The following SLC6A3 variants were observed in gnomAD, a reference collection of about 807,000 sequenced individuals.
SLC6A3 encodes the protein sodium-dependent dopamine transporter.
Under a neutral mutation model 70.4 loss-of-function variants are expected in SLC6A3, and 19 were observed. The observed-to-expected ratio is 0.27, with a 90% CI of 0.19 to 0.40. The LOEUF (loss-of-function observed/expected upper bound fraction) is 0.40. SLC6A3 is among the 10% of genes least tolerant of loss of function. The probability of loss-of-function intolerance (pLI) is 1.00; values close to 1 mark genes in which losing one functional copy is unlikely to be tolerated. For synonymous variants in SLC6A3, 368 were observed against 356.6 expected (o/e 1.03, Z -0.36); for missense variants, 613 against 838.5 (o/e 0.73, Z 3.32).
Position 1,393,580 on chromosome 5 carries a change from C to T in SLC6A3, c.*1155G>A, listed in dbSNP as rs946503182. The T allele has an allele frequency of 6.5e-6, 1 of 154,208 alleles. No individual in the cohort carries two copies. Among genetic ancestry groups the T allele is most frequent in the African/African-American group, 2.4e-5 (1 of 41,434 alleles). 9.6% of individuals were successfully genotyped at this position (154,208 alleles called of 1,614,324 possible). ...CAGAGTGTGGTCTGCAGGCTGCCTG[C>T]ATGGGGGCCCTGCATGCGTCCTGGG... On this transcript the variant is annotated 3_prime_UTR_variant, in exon 15 of 15. Transcript: ENST00000270349.
In SLC6A3 at chr5:1,441,312, C is replaced by G. The variant is rs757828228; in HGVS notation, c.418+47G>C. The G allele has an allele frequency of 5.0e-6, 8 of 1,613,230 alleles. No homozygotes were observed. The South Asian group carries it at 7.7e-5, about 16-fold the overall frequency. On this transcript the variant is annotated intron_variant, in intron 3 of 14. Coordinates refer to ENST00000270349, the MANE Select transcript of SLC6A3 (RefSeq NM_001044.5). ...TGCTTTGAAAGCTCCAGCGTCACCA[C>G]CATGATCCGCGCTGCGCCAGGGTGA...
At chr5:1,416,940 C>T (rs1756311703) in intron 6 of SLC6A3, among the ~76,000 whole-genome samples, 1 of 152,144 alleles carries the variant, frequency 6.6e-6, no homozygotes, top group East Asian at 1.9e-4. Context: ...CCCTGATAAC[C>T]CTCAGAAAGT....
intron 4 of SLC6A3, among the ~76,000 whole-genome samples, chr5:1,430,101 G>C (rs1409297489): frequency 6.6e-6 from 1 of 152,072 alleles, no homozygotes; most frequent in East Asian, 1.9e-4. Flanking sequence ...AAACAACCAG[G>C]ACTCATCCCG....
chr5:1,408,383 T>G lies in SLC6A3; in HGVS notation c.1498+643A>C, dbSNP rs529273537. ...GATGCCCTGGCTCGGCCTCGCCACT[T>G]CCCTGGAAGTGAGCTGGCCAGGTAA... On this transcript the variant is annotated intron_variant, in intron 11 of 14. Coordinates refer to ENST00000270349, the MANE Select transcript of SLC6A3 (RefSeq NM_001044.5). This position sits in a 1 kb window ranked among gnomAD's most constrained non-coding sequence, Gnocchi z 6.4. 6.6e-6 allele frequency among the ~76,000 whole-genome samples: 1 copy of G among 152,124 alleles called. No individual in the cohort carries two copies. Among genetic ancestry groups the G allele is most frequent in the East Asian group, 1.9e-4 (1 of 5,154 alleles).
In SLC6A3 at chr5:1,408,544, G is replaced by A. The variant is rs1001295968; in HGVS notation, c.1498+482C>T. On this transcript the variant is annotated intron_variant, in intron 11 of 14. Coordinates refer to ENST00000270349, the MANE Select transcript of SLC6A3 (RefSeq NM_001044.5). This position sits in a 1 kb window ranked among gnomAD's most constrained non-coding sequence, Gnocchi z 6.4. The stretch of plus-strand genomic sequence containing the variant: ...TTCTGTTGCTGTTTAAACCACTGGT[G>A]GAAGTCCCAGGACACAGCTGGGGCA... 4.6e-5 allele frequency among the ~76,000 whole-genome samples: 7 copies of A among 152,190 alleles called. No individual in the cohort carries two copies. The highest frequency in any genetic ancestry group is 1.0e-4 in the Non-Finnish European group (7 of 68,030).
intron 3 of SLC6A3, among the ~76,000 whole-genome samples, chr5:1,435,610 G>A (rs1756810687): frequency 6.6e-6 from 1 of 152,274 alleles, no homozygotes; most frequent in East Asian, 1.9e-4. Context: ...AAATGGGCCT[G>A]CTCTGATCCA....
rs780852886 is a variant in SLC6A3, at chr5:1,441,392, C to A, written c.385G>T (p.Ala129Ser). Reference sequence around the variant, plus strand: ...ATGGGGCAGATCTTCCAGACACCAGCGGCCCCTTCCCTGTTGAACTGGCCG... The same window carrying A: ...ATGGGGCAGATCTTCCAGACACCAGAGGCCCCTTCCCTGTTGAACTGGCCG... ...ALGQFNREGA[A>S]GVWKICPILK... The change falls in exon 3 of 15, where the codon GCT (alanine) becomes TCT (serine). Residue 129 changes from alanine (A) to serine (S), a missense_variant. Transcript: ENST00000270349. 1.2e-5 allele frequency: 20 copies of A among 1,614,232 alleles called. No individual in the cohort carries two copies. Among genetic ancestry groups the A allele is most frequent in the Non-Finnish European group, 1.6e-5 (19 of 1,180,040 alleles).
At chr5:1,419,865 T>G (rs1417837023) in intron 6 of SLC6A3, among the ~76,000 whole-genome samples, 1 of 144,182 alleles carries the variant, frequency 6.9e-6, no homozygotes, top group Admixed American at 7.1e-5. Context: ...ACCTGTCAGC[T>G]GCTGCCTCCC....
At chr5:1,443,354 C>T (rs1579729806) in intron 1 of SLC6A3, 112 bp from the exon 2 acceptor site, 1 of 850,684 alleles carries the variant, frequency 1.2e-6, no homozygotes, top group Non-Finnish European at 1.9e-6. Context: ...ACGGGCATTC[C>T]TCTGGGAAGG....
chr5:1,398,211 A>G (rs1350758280), intron 14 of SLC6A3, among the ~76,000 whole-genome samples: 1 of 152,054 alleles, frequency 6.6e-6, no homozygotes, highest in African/African-American at 2.4e-5. Flanking sequence ...AAACACAAAA[A>G]TTATCCAGGT....
chr5:1,395,240 C>T (rs1207151391), intron 14 of SLC6A3, among the ~76,000 whole-genome samples: 2 of 152,216 alleles, frequency 1.3e-5, no homozygotes, highest in Non-Finnish European at 2.9e-5. Context: ...GCGACCCGCG[C>T]GGGCGCAAGT....
Position 1,413,821 on chromosome 5 carries a change from C to T in SLC6A3, c.1156+870G>A, listed in dbSNP as rs1291609989. ...CAAGTTAGGGCTGCCAACGCCACAG[C>T]TTTCCACTGCAAGCACCGGAGCCAG... On this transcript the variant is annotated intron_variant, in intron 8 of 14. Transcript: ENST00000270349. The surrounding 1 kb of genome is among the most constrained non-coding windows in gnomAD (Gnocchi z 7.1). Among the ~76,000 whole-genome samples the T allele has an allele frequency of 6.6e-6, 1 of 152,184 alleles. No homozygotes were observed. The highest frequency in any genetic ancestry group is 1.5e-5 in the Non-Finnish European group (1 of 68,028).
chr5:1,397,054 A>T lies in SLC6A3; in HGVS notation c.1840-2296T>A. On this transcript the variant is annotated intron_variant, in intron 14 of 14. Coordinates refer to ENST00000270349, the MANE Select transcript of SLC6A3 (RefSeq NM_001044.5). The surrounding 1 kb of genome is among the most constrained non-coding windows in gnomAD (Gnocchi z 4.7). Reference sequence around the variant, plus strand: ...TGGCCACATGTGGATTAATGATAAGATGCGTTACTCAACTGTGCACCTAAG... The same window carrying T: ...TGGCCACATGTGGATTAATGATAAGTTGCGTTACTCAACTGTGCACCTAAG... Among the ~76,000 whole-genome samples the T allele has an allele frequency of 6.6e-6, 1 of 152,192 alleles. No homozygotes were observed. Among genetic ancestry groups the T allele is most frequent in the East Asian group, 1.9e-4 (1 of 5,196 alleles).
At position 1,402,541 on chromosome 5, in the gene SLC6A3, C is replaced by G. The variant is rs1241955035; in HGVS notation, c.1767+381G>C. On this transcript the variant is annotated intron_variant, in intron 13 of 14. Transcript: ENST00000270349. This position sits in a 1 kb window ranked among gnomAD's most constrained non-coding sequence, Gnocchi z 8.5. Reference sequence around the variant, plus strand: ...TAGGCATGCATGCACTCAGTACACACAAACACTTGGACACGAATGTGAGCA... The same window carrying G: ...TAGGCATGCATGCACTCAGTACACAGAAACACTTGGACACGAATGTGAGCA... Among the ~76,000 whole-genome samples, 1 of 152,084 alleles carries G rather than the reference C, an allele frequency of 6.6e-6. No homozygotes were observed. Among genetic ancestry groups the G allele is most frequent in the East Asian group, 1.9e-4 (1 of 5,164 alleles).
intron 14 of SLC6A3, among the ~76,000 whole-genome samples, chr5:1,399,376 G>A (rs745896156): frequency 8.5e-5 from 13 of 152,272 alleles, no homozygotes; most frequent in African/African-American, 2.6e-4. Context: ...AGAAAAGAAC[G>A]AAGGATGCAA....
rs1037145964 is a variant in SLC6A3 at position 1,411,664 on chromosome 5, G to A, written c.1157-309C>T. ...AAGGAAGGGGCAGAAACAAGGAGGA[G>A]CAGGAGGGGCTTCCAGGCTGGTCCT... On this transcript the variant is annotated intron_variant, in intron 8 of 14. Coordinates refer to ENST00000270349, the MANE Select transcript of SLC6A3 (RefSeq NM_001044.5). This position sits in a 1 kb window ranked among gnomAD's most constrained non-coding sequence, Gnocchi z 6.5. Among the ~76,000 whole-genome samples, 33 of 152,240 alleles carry A rather than the reference G, an allele frequency of 2.2e-4. No individual in the cohort carries two copies. Among genetic ancestry groups the A allele is most frequent in the Non-Finnish European group, 2.8e-4 (19 of 68,044 alleles).
At chr5:1,432,402 G>A in intron 4 of SLC6A3, 62 bp downstream of exon 4, 1 of 1,290,636 alleles carries the variant, frequency 7.7e-7, no homozygotes, top group Non-Finnish European at 1.1e-6. Flanking sequence ...CAACCAAGGG[G>A]CTACCATGGG....
intron 3 of SLC6A3, among the ~76,000 whole-genome samples, chr5:1,434,435 C>A (rs1756782500): frequency 6.6e-6 from 1 of 152,232 alleles, no homozygotes; most frequent in Non-Finnish European, 1.5e-5. Context: ...AATTTGGGAT[C>A]CATCATTTAT....
chr5:1,432,420 G>T (rs761705494), intron 4 of SLC6A3, 44 bp downstream of exon 4: 2 of 1,467,454 alleles, frequency 1.4e-6, no homozygotes, highest in South Asian at 1.1e-5. Context: ...GGGGGACCTG[G>T]CTGCGCCATC....
Sources: gnomAD v4.1 joint callset for allele counts (sites outside exome capture counted in the v4.1 genomes callset) on GRCh38, gnomAD v4.1.1 for gene constraint, Gnocchi (gnomAD v3.1) non-coding constraint, MANE v1.5 for transcripts, NCBI Gene and HGNC (gene_info 2026-07-23, HGNC 2026-07-21) for gene names.